The following EPM2A variants were observed in gnomAD, a reference collection of about 807,000 sequenced individuals.
The protein encoded by EPM2A is EPM2A glucan phosphatase, laforin.
In EPM2A, 21 loss-of-function variants were observed where a neutral mutation model predicts 26.5. That is an observed-to-expected ratio of 0.79 (90% CI 0.56 to 1.14). The LOEUF is 1.14. Ranked by LOEUF, EPM2A falls within the 50% of genes most tolerant of loss-of-function variation. The pLI is 0.00. For synonymous variants in EPM2A, 217 were observed against 177.6 expected (o/e 1.22, Z -1.76); for missense variants, 458 against 440.8 (o/e 1.04, Z -0.35).
chr6:145,404,731 T>C (rs1778543849), intron 4 of EPM2A, among the ~76,000 whole-genome samples: 1 of 152,166 alleles, frequency 6.6e-6, no homozygotes, highest in Non-Finnish European at 1.5e-5. Flanking sequence ...TCTAATTATA[T>C]CCTTTGCCTT....
intron 1 of EPM2A, among the ~76,000 whole-genome samples, chr6:145,703,155 C>T (rs1387664341): frequency 6.7e-6 from 1 of 149,514 alleles, no homozygotes; most frequent in Non-Finnish European, 1.5e-5. Flanking sequence ...TGCAGTGGCA[C>T]CATCTCACTC....
At chr6:145,539,793 T>G (rs1460603195) in intron 2 of EPM2A, among the ~76,000 whole-genome samples, 3 of 152,272 alleles carry the variant, frequency 2.0e-5, no homozygotes, top group African/African-American at 7.2e-5. Flanking sequence ...GGGCTACCTC[T>G]CCCAGGGTTA....
chr6:145,677,691 G>A (rs898709597), intron 2 of EPM2A, among the ~76,000 whole-genome samples: 2 of 152,050 alleles, frequency 1.3e-5, no homozygotes, highest in Non-Finnish European at 2.9e-5. Flanking sequence ...GCTTCAAAGA[G>A]AATAAAATAC....
At chr6:145,543,661 G>A (rs1780545060) in intron 2 of EPM2A, among the ~76,000 whole-genome samples, 1 of 152,176 alleles carries the variant, frequency 6.6e-6, no homozygotes, top group Admixed American at 6.5e-5. Context: ...GGATATGGGA[G>A]AAATGTGGAT....
chr6:145,488,383 T>A (rs1013420839), intron 4 of EPM2A, among the ~76,000 whole-genome samples: 2 of 152,154 alleles, frequency 1.3e-5, no homozygotes, highest in African/African-American at 4.8e-5. Flanking sequence ...AGGAATAACA[T>A]TGAAGCTATG....
intron 2 of EPM2A, among the ~76,000 whole-genome samples, chr6:145,546,859 A>G (rs199594255): frequency 6.6e-6 from 1 of 152,120 alleles, no homozygotes; most frequent in East Asian, 1.9e-4. Flanking sequence ...ACTTCTTTGT[A>G]TACTAAAACA....
At chr6:145,464,939 G>A (rs957934863) in intron 4 of EPM2A, among the ~76,000 whole-genome samples, 104 of 152,166 alleles carry the variant, frequency 6.8e-4, no homozygotes, top group African/African-American at 2.4e-3. Context: ...TGGTGAATCT[G>A]ACAATTATGT....
Position 145,626,464 on chromosome 6 carries a change from T to G in EPM2A, c.*952A>C, listed in dbSNP as rs1775814842. ...TGTTTTTAAATTAGCTTGCACAAAA[T>G]ACAACTAATTTCCTAGATTCTTTGG... On this transcript the variant is annotated 3_prime_UTR_variant, in exon 4 of 4. Coordinates refer to ENST00000367519, the MANE Select transcript of EPM2A (RefSeq NM_005670.4). The G allele has an allele frequency of 1.0e-6, 1 of 985,776 alleles. No homozygotes were observed. The allele number at this position is 985,776 out of a possible 1,614,324, so 61.1% of individuals were successfully genotyped here. A position where few individuals can be genotyped will look rare whatever the true frequency, so the allele number is the denominator to read the frequency against.
At chr6:145,681,574 G>T (rs920422667) in intron 2 of EPM2A, among the ~76,000 whole-genome samples, 1 of 150,378 alleles carries the variant, frequency 6.6e-6, no homozygotes, top group Admixed American at 6.7e-5. Context: ...TTTGTATAAG[G>T]TGTAAGGAAG....
At chr6:145,702,026 A>C (rs562041958) in intron 1 of EPM2A, among the ~76,000 whole-genome samples, 1 of 152,118 alleles carries the variant, frequency 6.6e-6, no homozygotes, top group African/African-American at 2.4e-5. Context: ...CCTGGCTTTA[A>C]ATCTCCCCAA....
chr6:145,539,334 G>A (rs974503424), intron 2 of EPM2A, among the ~76,000 whole-genome samples: 2 of 152,186 alleles, frequency 1.3e-5, no homozygotes, highest in Non-Finnish European at 2.9e-5. Context: ...ATGTAATAAG[G>A]TAGGGGATTT....
intron 1 of EPM2A, among the ~76,000 whole-genome samples, chr6:145,705,113 G>A (rs898304259): frequency 1.3e-5 from 2 of 152,028 alleles, no homozygotes; most frequent in Non-Finnish European, 2.9e-5. Context: ...TGGTCCTAGG[G>A]CTTGCTGTAA....
In EPM2A at chr6:145,686,123, T is replaced by G; in HGVS notation, c.475A>C (p.Arg159=). Residue 159 remains arginine, a splice_region_variant and synonymous_variant, in exon 2 of 4, where the codon AGA becomes CGA. Coordinates refer to ENST00000367519, the MANE Select transcript of EPM2A (RefSeq NM_005670.4). ...IAGHQAMHYS[R]ILPNIWLGSC... ...CTATAAATATAGCACTATTTTTACC[T>G]TGAATAATGCATGGCTTGGTGGCCT... 1 of 1,612,846 alleles carries G rather than the reference T, an allele frequency of 6.2e-7. No individual in the cohort carries two copies. Among genetic ancestry groups the G allele is most frequent in the Non-Finnish European group, 8.5e-7 (1 of 1,178,922 alleles).
chr6:145,665,929 A>C (rs1779147496), intron 2 of EPM2A, among the ~76,000 whole-genome samples: 1 of 151,176 alleles, frequency 6.6e-6, no homozygotes, highest in Non-Finnish European at 1.5e-5. Flanking sequence ...TATTATCTCA[A>C]TAGATGCAGA....
intron 2 of EPM2A, among the ~76,000 whole-genome samples, chr6:145,563,951 G>C (rs1260628937): frequency 6.6e-6 from 1 of 152,186 alleles, no homozygotes; most frequent in East Asian, 1.9e-4. Context: ...AGGATACCAA[G>C]ATCTGTGGAT....
intron 2 of EPM2A, among the ~76,000 whole-genome samples, chr6:145,619,826 G>A (rs979883957): frequency 3.9e-5 from 6 of 152,196 alleles, no homozygotes; most frequent in African/African-American, 9.7e-5. Context: ...GTGAGCATAA[G>A]TCAGTGTTAA....
Position 145,518,610 on chromosome 6 carries a change from A to C in EPM2A, c.341-16035T>G, listed in dbSNP as rs55951753. ...TGAAATGCACCAAAAAAAAAAAAAA[A>C]AAAAAAAAAAAAACAAAGAGGTTTT... On this transcript the variant is annotated intron_variant, in intron 2 of 3. Transcript: ENST00000450221. Among the ~76,000 whole-genome samples the C allele has an allele frequency of 3.1e-3, 388 of 123,698 alleles. 5 individuals carry two copies. The highest frequency in any genetic ancestry group is 0.01 in the African/African-American group (360 of 35,682). 81.2% of individuals were successfully genotyped at this position (123,698 alleles called of 152,430 possible).
intron 1 of EPM2A, among the ~76,000 whole-genome samples, chr6:145,732,755 T>C (rs1399371872): frequency 6.6e-6 from 1 of 152,226 alleles, no homozygotes. Flanking sequence ...AAAATTTTAT[T>C]TCCTTGTTTA....
At chr6:145,477,688 C>T (rs1362912366) in intron 4 of EPM2A, among the ~76,000 whole-genome samples, 1 of 151,802 alleles carries the variant, frequency 6.6e-6, no homozygotes, top group Non-Finnish European at 1.5e-5. Context: ...ACCATATGAT[C>T]ATTTCAATTG....
Sources: allele counts gnomAD v4.1 joint callset (sites outside exome capture counted in the v4.1 genomes callset), GRCh38; gene constraint gnomAD v4.1.1; transcripts MANE v1.5; gene names NCBI Gene and HGNC (gene_info 2026-07-23, HGNC 2026-07-21).